The following CCDC7 variants were observed in gnomAD, a reference collection of about 807,000 sequenced individuals.
CCDC7 encodes coiled-coil domain containing 7.
A neutral mutation model predicts 196.9 loss-of-function variants in CCDC7; 183 were observed. That is an observed-to-expected ratio of 0.93 (90% CI 0.82 to 1.05). CCDC7 has a LOEUF of 1.05. Ranked by LOEUF, CCDC7 falls within the 50% of genes least tolerant of loss-of-function variation. The pLI is 0.00. For missense variants in CCDC7, 1,540 were observed against 1,482.2 expected (o/e 1.04, Z -0.64); for synonymous variants, 525 against 484.6 (o/e 1.08, Z -1.10).
intron 11 of CCDC7, among the ~76,000 whole-genome samples, chr10:32,541,964 ACTC>A (rs2051515514): frequency 6.6e-6 from 1 of 151,580 alleles, no homozygotes; most frequent in Non-Finnish European, 1.5e-5. Flanking sequence ...GCCTCACCTC[ACTC>A]CTCTCTGCTC....
chr10:32,552,570 C>T (rs1472040741), intron 13 of CCDC7, among the ~76,000 whole-genome samples: 1 of 152,112 alleles, frequency 6.6e-6, no homozygotes, highest in African/African-American at 2.4e-5. Flanking sequence ...GGATTTGTTT[C>T]AAGATTCAGA....
At chr10:32,793,162 A>G (rs953164733) in intron 29 of CCDC7, among the ~76,000 whole-genome samples, 1 of 152,202 alleles carries the variant, frequency 6.6e-6, no homozygotes, top group South Asian at 2.1e-4. Flanking sequence ...TTTAGAATAC[A>G]AAGGATTTAC....
intron 33 of CCDC7, among the ~76,000 whole-genome samples, chr10:32,835,316 T>C (rs1322027723): frequency 1.3e-5 from 2 of 152,148 alleles, no homozygotes; most frequent in Non-Finnish European, 2.9e-5. Context: ...TTTATGAATC[T>C]GTGTGCTCAT....
intron 28 of CCDC7, among the ~76,000 whole-genome samples, chr10:32,741,276 A>G (rs12219725): frequency 0.088 from 13,403 of 152,272 alleles, 843 homozygotes; most frequent in East Asian, 0.33. Context: ...TTAAAACTCA[A>G]TCTCAAACTA....
chr10:32,587,176 C>G (rs2059366853), intron 18 of CCDC7, among the ~76,000 whole-genome samples: 1 of 152,180 alleles, frequency 6.6e-6, no homozygotes, highest in African/African-American at 2.4e-5. Flanking sequence ...AACTTTTCAT[C>G]ACTCCCAAAG....
chr10:32,803,670 G>C (rs1199005094), intron 29 of CCDC7, among the ~76,000 whole-genome samples: 1 of 151,836 alleles, frequency 6.6e-6, no homozygotes, highest in South Asian at 2.1e-4. Context: ...GTTGCTTCTT[G>C]GTTTTTTGTT....
intron 18 of CCDC7, among the ~76,000 whole-genome samples, chr10:32,628,175 C>G (rs2064323980): frequency 6.6e-6 from 1 of 151,944 alleles, no homozygotes; most frequent in Admixed American, 6.6e-5. Flanking sequence ...GTTTTTCTTA[C>G]TGACTTAATC....
chr10:32,727,396 G>T (rs1390914017), intron 26 of CCDC7, among the ~76,000 whole-genome samples: 1 of 152,102 alleles, frequency 6.6e-6, no homozygotes, highest in Admixed American at 6.6e-5. Flanking sequence ...GAATGTTAAA[G>T]TGCCCATGGC....
chr10:32,594,516 C>G (rs1306916917), intron 18 of CCDC7, among the ~76,000 whole-genome samples: 1 of 152,198 alleles, frequency 6.6e-6, no homozygotes, highest in Non-Finnish European at 1.5e-5. Flanking sequence ...TTGACTTCCT[C>G]TTTTCCTAAT....
chr10:32,744,155 A>AG (rs1390201994), intron 28 of CCDC7, among the ~76,000 whole-genome samples: 2 of 152,098 alleles, frequency 1.3e-5, no homozygotes, highest in Non-Finnish European at 2.9e-5. Flanking sequence ...AAAAGAAAAA[A>AG]AAAAGAAAAT....
chr10:32,747,939 A>G (rs920061070), intron 28 of CCDC7, among the ~76,000 whole-genome samples: 2 of 152,232 alleles, frequency 1.3e-5, no homozygotes, highest in African/African-American at 4.8e-5. Flanking sequence ...ACTATTGACA[A>G]TAGCAAAGAC....
At chr10:32,482,644 C>T (rs961893629) in intron 8 of CCDC7, among the ~76,000 whole-genome samples, 8 of 152,182 alleles carry the variant, frequency 5.3e-5, no homozygotes, top group African/African-American at 1.9e-4. Flanking sequence ...GCTATCCCTC[C>T]CACCTCCCCC....
At position 32,828,509 on chromosome 10, in the gene CCDC7, A is replaced by G. The variant is rs905458330; in HGVS notation, c.3268+3905A>G. ...AGGAAGAAGAAGAAGAAGAAGAAGAAGAAGAAGAAGAAGAAGAAGAAGAAG... is the reference window on the plus strand; with the variant it reads ...AGGAAGAAGAAGAAGAAGAAGAAGAGGAAGAAGAAGAAGAAGAAGAAGAAG... On this transcript the variant is annotated intron_variant, in intron 32 of 41. Coordinates refer to ENST00000639629, the Ensembl canonical transcript of CCDC7. 1.0e-3 allele frequency among the ~76,000 whole-genome samples: 136 copies of G among 135,810 alleles called. 1 individual carries two copies. The highest frequency in any genetic ancestry group is 1.4e-3 in the Non-Finnish European group (89 of 61,830). 89.1% of individuals were successfully genotyped at this position (135,810 alleles called of 152,430 possible). A position where few individuals can be genotyped will look rare whatever the true frequency, so the allele number is the denominator to read the frequency against.
At chr10:32,624,281 T>TAG (rs148217448) in intron 18 of CCDC7, among the ~76,000 whole-genome samples, 13,416 of 152,150 alleles carry the variant, frequency 0.088, 860 homozygotes, top group East Asian at 0.33. Context: ...CTTGATCACA[T>TAG]AGCAGCCAGA....
chr10:32,554,050 G>C (rs2053947431), intron 13 of CCDC7, among the ~76,000 whole-genome samples: 1 of 152,184 alleles, frequency 6.6e-6, no homozygotes, highest in African/African-American at 2.4e-5. Flanking sequence ...GTGTACCTAG[G>C]AGGGTTATGG....
At chr10:32,583,166 A>G in exon 17 of CCDC7, 1 of 1,231,608 alleles carries the variant, frequency 8.1e-7, no homozygotes, top group Non-Finnish European at 1.0e-6. Context: ...AATCTCCATC[A>G]GAGACCCATG....
chr10:32,715,288 C>T (rs1285198344), intron 25 of CCDC7, among the ~76,000 whole-genome samples: 1 of 152,208 alleles, frequency 6.6e-6, no homozygotes, highest in Non-Finnish European at 1.5e-5. Context: ...CAAATTCCAG[C>T]AGACCTGCAG....
rs565194626 is a variant in CCDC7 at position 32,851,680 on chromosome 10, T to A, written c.3896-127T>A. On this transcript the variant is annotated intron_variant, in intron 39 of 41. Transcript: ENST00000639629. Reference sequence around the variant, plus strand: ...TGTTGCAGTCTATGTATCCTTTCAGTTTTTTTAAATGTTTGCTTTATATAT... The same window carrying A: ...TGTTGCAGTCTATGTATCCTTTCAGATTTTTTAAATGTTTGCTTTATATAT... 5 of 924,900 alleles carry A rather than the reference T, an allele frequency of 5.4e-6. No individual in the cohort carries two copies. In the East Asian group the frequency reaches 1.2e-4, roughly 22 times the overall value. The allele number at this position is 924,900 out of a possible 1,614,324, so 57.3% of individuals were successfully genotyped here.
At chr10:32,570,710 A>G (rs570266445) in intron 15 of CCDC7, among the ~76,000 whole-genome samples, 1 of 152,294 alleles carries the variant, frequency 6.6e-6, no homozygotes, top group African/African-American at 2.4e-5. Flanking sequence ...GCTGGAGGAG[A>G]TGCACATTCT....
Sources: gnomAD v4.1 joint callset for allele counts (sites outside exome capture counted in the v4.1 genomes callset) on GRCh38, gnomAD v4.1.1 for gene constraint, MANE v1.5 for transcripts, NCBI Gene and HGNC (gene_info 2026-07-23, HGNC 2026-07-21) for gene names.